The following ANKS1B variants were observed in gnomAD, a reference collection of about 807,000 sequenced individuals.
The protein encoded by ANKS1B is ankyrin repeat and sterile alpha motif domain containing 1B, also known as ankyrin repeat and sterile alpha motif domain-containing protein 1B.
In ANKS1B, 36 loss-of-function variants were observed where a neutral mutation model predicts 148.3. That is an observed-to-expected ratio of 0.24 (90% CI 0.19 to 0.32). ANKS1B has a LOEUF of 0.32. Ranked by LOEUF, ANKS1B falls within the 10% of genes least tolerant of loss-of-function variation. ANKS1B has a pLI of 1.00. For missense variants in ANKS1B, 1,157 were observed against 1,542.6 expected, an observed-to-expected ratio of 0.75 and a Z score of 4.19; for synonymous variants, 542 against 560.8, an observed-to-expected ratio of 0.97 and a Z score of 0.47.
intron 1 of ANKS1B, among the ~76,000 whole-genome samples, chr12:99,844,002 T>C (rs182301693): frequency 6.0e-4 from 92 of 152,278 alleles, no homozygotes; most frequent in African/African-American, 2.2e-3. Flanking sequence ...TAATGATAGG[T>C]GATGTTGAGC....
intron 12 of ANKS1B, among the ~76,000 whole-genome samples, chr12:99,391,327 A>T (rs2094059111): frequency 6.6e-6 from 1 of 152,150 alleles, no homozygotes; most frequent in African/African-American, 2.4e-5. Context: ...AGGTAGCTAC[A>T]AGGGTTTGAT....
At chr12:99,489,903 G>A (rs995707476) in intron 10 of ANKS1B, among the ~76,000 whole-genome samples, 2 of 152,158 alleles carry the variant, frequency 1.3e-5, no homozygotes, top group African/African-American at 4.8e-5. Context: ...GTGATTAAAT[G>A]GCAACTGCAG....
At chr12:99,488,583 T>C (rs993656036) in intron 10 of ANKS1B, among the ~76,000 whole-genome samples, 1 of 152,204 alleles carries the variant, frequency 6.6e-6, no homozygotes, top group African/African-American at 2.4e-5. Flanking sequence ...GGAAATTTAA[T>C]ATGCCCAGCT....
intron 15 of ANKS1B, among the ~76,000 whole-genome samples, chr12:99,125,023 C>T (rs146059668): frequency 3.0e-4 from 45 of 152,052 alleles, no homozygotes; most frequent in Admixed American, 1.4e-3. Context: ...GGAGGTTTTG[C>T]TATAAAGTGA....
chr12:99,008,235 G>A (rs1236312033), intron 17 of ANKS1B, among the ~76,000 whole-genome samples: 1 of 152,062 alleles, frequency 6.6e-6, no homozygotes, highest in African/African-American at 2.4e-5. Context: ...AACTTTGATT[G>A]AAACTTTGGG....
At chr12:99,214,111 G>T (rs2083770364) in intron 14 of ANKS1B, among the ~76,000 whole-genome samples, 1 of 148,418 alleles carries the variant, frequency 6.7e-6, no homozygotes, top group Admixed American at 7.0e-5. Flanking sequence ...CCCAAGAATG[G>T]CATAAGATTC....
chr12:99,144,643 A>G (rs1218329926), intron 15 of ANKS1B, among the ~76,000 whole-genome samples: 1 of 152,040 alleles, frequency 6.6e-6, no homozygotes, highest in African/African-American at 2.4e-5. Flanking sequence ...TCTAACCCCT[A>G]GTAGATATGT....
At chr12:99,734,536 C>T (rs913811767) in intron 8 of ANKS1B, among the ~76,000 whole-genome samples, 1 of 152,166 alleles carries the variant, frequency 6.6e-6, no homozygotes, top group Non-Finnish European at 1.5e-5. Context: ...TCAGGTGATC[C>T]GCCCGCCTCA....
intron 15 of ANKS1B, among the ~76,000 whole-genome samples, chr12:99,143,408 T>C (rs1387520473): frequency 6.6e-6 from 1 of 152,152 alleles, no homozygotes; most frequent in African/African-American, 2.4e-5. Context: ...ATGCCTGCGA[T>C]GCGCTTGATT....
At chr12:99,737,234 C>T (rs1417636556) in intron 8 of ANKS1B, among the ~76,000 whole-genome samples, 3 of 152,112 alleles carry the variant, frequency 2.0e-5, no homozygotes, top group East Asian at 3.9e-4. Context: ...ATACCTGCAC[C>T]TTCGTGTTTA....
chr12:99,984,415 G>A lies in ANKS1B; in HGVS notation c.-178C>T, dbSNP rs1291548063. The A allele has an allele frequency of 3.6e-6, 2 of 550,372 alleles. No individual in the cohort carries two copies. Among genetic ancestry groups the A allele is most frequent in the Admixed American group, 3.1e-5 (1 of 32,262 alleles). 34.1% of individuals were successfully genotyped at this position (550,372 alleles called of 1,614,324 possible). ...AGCACGACTCTCTCCTCCTCTTCGG[G>A]GCGCAGCTTTTACAATGGGGATCAG... On this transcript the variant is annotated 5_prime_UTR_variant, in exon 1 of 27. Transcript: ENST00000683438.
At chr12:99,359,014 A>C (rs1282394697) in intron 12 of ANKS1B, among the ~76,000 whole-genome samples, 1 of 152,192 alleles carries the variant, frequency 6.6e-6, no homozygotes, top group Non-Finnish European at 1.5e-5. Flanking sequence ...TGTGTGAGAT[A>C]TAAAGAGAAA....
chr12:99,521,459 A>G (rs1177511117), intron 9 of ANKS1B, among the ~76,000 whole-genome samples: 4 of 152,126 alleles, frequency 2.6e-5, no homozygotes, highest in African/African-American at 9.7e-5. Context: ...GATGTTCATC[A>G]ATGTCTGGAC....
chr12:99,614,178 T>C (rs996633423), intron 9 of ANKS1B, among the ~76,000 whole-genome samples: 1 of 152,012 alleles, frequency 6.6e-6, no homozygotes, highest in African/African-American at 2.4e-5. Flanking sequence ...CTCACAACTG[T>C]AATCCCAGCA....
chr12:99,075,850 TTATA>T (rs1475768003), intron 16 of ANKS1B, among the ~76,000 whole-genome samples: 1 of 148,390 alleles, frequency 6.7e-6, no homozygotes, highest in Non-Finnish European at 1.5e-5. Context: ...ATGTTTTATA[TTATA>T]TATACTATAC....
intron 12 of ANKS1B, among the ~76,000 whole-genome samples, chr12:99,248,215 C>T (rs776415835): frequency 6.6e-6 from 1 of 152,188 alleles, no homozygotes; most frequent in Non-Finnish European, 1.5e-5. Flanking sequence ...GAAGATGCTA[C>T]AGGCACATCT....
At chr12:99,868,017 A>G (rs11110074) in intron 1 of ANKS1B, among the ~76,000 whole-genome samples, 7,995 of 152,260 alleles carry the variant, frequency 0.053, 666 homozygotes, top group African/African-American at 0.18. Context: ...TTACTACAGT[A>G]ACAGGATGAG....
Position 99,732,999 on chromosome 12 carries a change from G to C in ANKS1B, c.1128+39923C>G, listed in dbSNP as rs773631754. Among the ~76,000 whole-genome samples the C allele has an allele frequency of 1.1e-4, 16 of 146,974 alleles. 1 individual carries two copies. The South Asian group carries it at 1.6e-3, about 15-fold the overall frequency. ...ATAATTATCATACTATTTCACAAGA[G>C]TGTTATTGTTCCTTGCTCATTAAAA... On this transcript the variant is annotated intron_variant, in intron 8 of 26. Coordinates refer to ENST00000683438, the MANE Select transcript of ANKS1B (RefSeq NM_001352186.2).
intron 9 of ANKS1B, among the ~76,000 whole-genome samples, chr12:99,547,854 T>A (rs913826248): frequency 6.6e-6 from 1 of 152,196 alleles, no homozygotes; most frequent in African/African-American, 2.4e-5. Context: ...GAAGAGTTTA[T>A]GCTAGATTTT....
Sources: allele counts gnomAD v4.1 joint callset (sites outside exome capture counted in the v4.1 genomes callset), GRCh38; gene constraint gnomAD v4.1.1; transcripts MANE v1.5; gene names NCBI Gene and HGNC (gene_info 2026-07-23, HGNC 2026-07-21).